The following IL19 variants were observed in gnomAD, a reference collection of about 807,000 sequenced individuals.
The protein encoded by IL19 is interleukin-19.
Under a neutral mutation model 19.5 loss-of-function variants are expected in IL19, and 15 were observed. The ratio of observed to expected loss-of-function variants is 0.77; its 90% CI spans 0.52 to 1.19. IL19 has a LOEUF of 1.19. Ranked by LOEUF, IL19 falls within the 50% of genes most tolerant of loss-of-function variation. The pLI is 0.00. For missense variants in IL19, 199 were observed against 213.1 expected (o/e 0.93, Z 0.41); for synonymous variants, 78 against 78.3 (o/e 1.00, Z 0.02).
chr1:206,780,907 T>TA (rs1242543199), intron 1 of IL19, among the ~76,000 whole-genome samples: 1 of 152,230 alleles, frequency 6.6e-6, no homozygotes, highest in African/African-American at 2.4e-5. Context: ...TTCCATCCAT[T>TA]AAACAGTTAT....
chr1:206,788,395 T>C lies in IL19; in HGVS notation c.-148-10466T>C, dbSNP rs146957300. On this transcript the variant is annotated intron_variant, in intron 1 of 6. Transcript: ENST00000659997. ...TGTTTCATTTTAAGTTTTACAACAA[T>C]CTAAAGATTTGATCCAATCATTGAA... is the stretch of plus-strand genomic sequence containing the variant. Among the ~76,000 whole-genome samples the C allele has an allele frequency of 5.6e-3, 857 of 152,334 alleles. 8 individuals are homozygous for C. Among genetic ancestry groups the C allele is most frequent in the Middle Eastern group, 0.024 (7 of 294 alleles).
chr1:206,842,433 C>A, intron 6 of IL19, 94 bp from the exon 7 acceptor site: 3 of 738,096 alleles, frequency 4.1e-6, no homozygotes, highest in East Asian at 2.8e-5. Context: ...AAAACAGAAA[C>A]AAAACCTTGT....
At chr1:206,778,617 C>T (rs1377414288) in intron 1 of IL19, among the ~76,000 whole-genome samples, 4 of 152,168 alleles carry the variant, frequency 2.6e-5, no homozygotes, top group African/African-American at 9.7e-5. Context: ...TCTGCTACCA[C>T]CATCTTGAAA....
At position 206,827,461 on chromosome 1, in the gene IL19, A is replaced by C. The variant is rs1003610760; in HGVS notation, c.-2-9200A>C. Among the ~76,000 whole-genome samples, 43 of 152,140 alleles carry C rather than the reference A, an allele frequency of 2.8e-4. 1 individual carries two copies. The highest frequency in any genetic ancestry group is 2.3e-3 in the East Asian group (12 of 5,160). ...ATCCCAGCACTTTGGGAGGTCGAGG[A>C]GGGCGGATCACGAGGTCAGGAGATC... On this transcript the variant is annotated intron_variant, in intron 2 of 6. Coordinates refer to ENST00000659997, the MANE Select transcript of IL19 (RefSeq NM_153758.5).
intron 1 of IL19, among the ~76,000 whole-genome samples, chr1:206,785,469 A>C (rs775791173): frequency 6.6e-6 from 1 of 152,194 alleles, no homozygotes; most frequent in African/African-American, 2.4e-5. Flanking sequence ...GGGTGGTTCT[A>C]ATCCTGGAAG....
intron 1 of IL19, among the ~76,000 whole-genome samples, chr1:206,789,068 T>TAG (rs1558608229): frequency 2.6e-5 from 4 of 152,340 alleles, no homozygotes; most frequent in Admixed American, 6.5e-5. Flanking sequence ...GAGTGACCTT[T>TAG]TCCTTTTCCG....
intron 2 of IL19, among the ~76,000 whole-genome samples, chr1:206,825,791 G>T (rs1676423070): frequency 6.6e-6 from 1 of 152,196 alleles, no homozygotes; most frequent in South Asian, 2.1e-4. Context: ...CCAAAGAACT[G>T]CACGATTGTC....
At chr1:206,799,108 C>T (rs904867154) in intron 2 of IL19, 102 bp downstream of exon 2, 2 of 803,398 alleles carry the variant, frequency 2.5e-6, no homozygotes, top group East Asian at 2.5e-5. Context: ...TTTTCAGACA[C>T]CTATGAACTG....
intron 1 of IL19, chr1:206,772,482 G>C: frequency 6.3e-7 from 1 of 1,583,602 alleles, no homozygotes. Context: ...GCAAGAGCAA[G>C]CCCCTGATGT....
At chr1:206,799,088 G>T in intron 2 of IL19, 82 bp downstream of exon 2, 1 of 960,350 alleles carries the variant, frequency 1.0e-6, no homozygotes. Context: ...CAAGACTCTG[G>T]AAGACTGGGT....
At chr1:206,779,652 C>A (rs1675085282) in intron 1 of IL19, among the ~76,000 whole-genome samples, 1 of 152,136 alleles carries the variant, frequency 6.6e-6, no homozygotes, top group African/African-American at 2.4e-5. Context: ...CTACTTGAAC[C>A]CTTCCATGGC....
chr1:206,831,063 G>A (rs369032115), intron 2 of IL19, among the ~76,000 whole-genome samples: 44 of 152,268 alleles, frequency 2.9e-4, no homozygotes, highest in African/African-American at 9.6e-4. Flanking sequence ...GAAGGCAATA[G>A]GCATGGTACC....
intron 2 of IL19, among the ~76,000 whole-genome samples, chr1:206,823,048 G>A (rs1034011521): frequency 6.6e-6 from 1 of 151,846 alleles, no homozygotes; most frequent in Non-Finnish European, 1.5e-5. Flanking sequence ...TCCTGTCTCA[G>A]CCTCCTGAGT....
intron 5 of IL19, 124 bp downstream of exon 5, chr1:206,840,126 T>C: frequency 9.2e-7 from 1 of 1,085,928 alleles, no homozygotes; most frequent in Non-Finnish European, 1.4e-6. Flanking sequence ...TCTGCGCACG[T>C]CCACAGGGAG....
chr1:206,789,671 T>C (rs2102453488), intron 1 of IL19, among the ~76,000 whole-genome samples: 1 of 152,338 alleles, frequency 6.6e-6, no homozygotes, highest in Admixed American at 6.5e-5. Flanking sequence ...GTTGTCTTAC[T>C]AATAACTAAT....
At chr1:206,823,928 C>T (rs1676361003) in intron 2 of IL19, among the ~76,000 whole-genome samples, 2 of 152,166 alleles carry the variant, frequency 1.3e-5, no homozygotes, top group Non-Finnish European at 2.9e-5. Context: ...GCCCTGCTTC[C>T]CTCCGTCTTA....
At chr1:206,788,848 G>A (rs1675323818) in intron 1 of IL19, among the ~76,000 whole-genome samples, 1 of 152,204 alleles carries the variant, frequency 6.6e-6, no homozygotes, top group African/African-American at 2.4e-5. Context: ...GAAAGTTGAG[G>A]ATGACATGAT....
intron 2 of IL19, among the ~76,000 whole-genome samples, chr1:206,813,493 T>C (rs781048371): frequency 6.6e-6 from 1 of 152,028 alleles, no homozygotes; most frequent in Non-Finnish European, 1.5e-5. Flanking sequence ...CTGCAGAGAT[T>C]TGGATCCTAA....
intron 2 of IL19, among the ~76,000 whole-genome samples, chr1:206,836,043 T>A (rs2243168): frequency 0.85 from 128,911 of 152,284 alleles, 55,271 homozygotes; most frequent in Non-Finnish European, 0.91. Context: ...GCCCTCTACC[T>A]TTGGCTTCTT....
Sources: gnomAD v4.1 joint callset for allele counts (sites outside exome capture counted in the v4.1 genomes callset) on GRCh38, gnomAD v4.1.1 for gene constraint, MANE v1.5 for transcripts, NCBI Gene and HGNC (gene_info 2026-07-23, HGNC 2026-07-21) for gene names.